ARHGAP20: variants seen among roughly 807,000 people sequenced by gnomAD.
ARHGAP20 encodes the protein Rho GTPase activating protein 20.
A neutral mutation model predicts 73.7 loss-of-function variants in ARHGAP20; 34 were observed. That is an observed-to-expected ratio of 0.46 (90% CI 0.35 to 0.61). The LOEUF is 0.61. Ranked by LOEUF, ARHGAP20 falls within the 20% of genes least tolerant of loss-of-function variation. ARHGAP20 has a pLI of 0.00. For missense variants in ARHGAP20, 1,314 were observed against 1,420.9 expected (o/e 0.92, Z 1.21); for synonymous variants, 523 against 518.2 (o/e 1.01, Z -0.13).
intron 4 of ARHGAP20, among the ~76,000 whole-genome samples, chr11:110,616,724 T>C (rs1206825807): frequency 6.6e-6 from 1 of 151,354 alleles, no homozygotes. Context: ...ACATTTTCCA[T>C]CTTTCACAAT....
At chr11:110,627,022 A>T (rs547520754) in intron 3 of ARHGAP20, among the ~76,000 whole-genome samples, 1 of 152,296 alleles carries the variant, frequency 6.6e-6, no homozygotes, top group South Asian at 2.1e-4. Context: ...TATCTCCAAT[A>T]GTATTATGAC....
In ARHGAP20 at chr11:110,580,421, T is replaced by G; in HGVS notation, c.2525A>C (p.His842Pro). Reference protein sequence around the residue: ...TADALKGPRTHRRCSEPNIED... With the variant: ...TADALKGPRTPRRCSEPNIED... ...TATGTTGGGCTCTGAGCAGCGCCGA[T>G]GTGTCCTTGGACCCTTGAGGGCATC... The change falls in exon 15 of 15, where the codon CAT (histidine) becomes CCT (proline). Residue 842 changes from histidine (H) to proline (P), a missense_variant. Around this residue, in one of 3 missense-constraint regions of ARHGAP20, gnomAD observed 641 missense variants for 636.9 expected, o/e 1.01. Transcript: ENST00000683387. 6.2e-7 allele frequency: 1 copy of G among 1,614,180 alleles called. No homozygotes were observed. Among genetic ancestry groups the G allele is most frequent in the Non-Finnish European group, 8.5e-7 (1 of 1,180,028 alleles).
At chr11:110,703,621 T>C in intron 1 of ARHGAP20, among the ~76,000 whole-genome samples, 1 of 152,144 alleles carries the variant, frequency 6.6e-6, no homozygotes, top group East Asian at 1.9e-4. Flanking sequence ...AAGTGCTGTA[T>C]ATAAATAAAT....
At chr11:110,583,086 C>A (rs1031212814) in intron 13 of ARHGAP20, among the ~76,000 whole-genome samples, 6 of 152,186 alleles carry the variant, frequency 3.9e-5, no homozygotes, top group African/African-American at 1.4e-4. Flanking sequence ...GAACTGATAT[C>A]CCCACACCCC....
chr11:110,705,108 A>C (rs1950529843), intron 1 of ARHGAP20, among the ~76,000 whole-genome samples: 1 of 152,158 alleles, frequency 6.6e-6, no homozygotes, highest in East Asian at 1.9e-4. Context: ...CAAGTTTTAC[A>C]ATTACATATT....
chr11:110,583,657 G>A lies in ARHGAP20; in HGVS notation c.1496C>T (p.Ser499Phe). The A allele has an allele frequency of 1.2e-6, 2 of 1,612,994 alleles. No individual in the cohort carries two copies. The highest frequency in any genetic ancestry group is 2.2e-5 in the East Asian group (1 of 44,840). ...FGVLHNIEQH[S>F]SSNQMTAFNL... is the part of the protein sequence containing the mutation. ...AAATGCAGTCATCTGATTGGATGAG[G>A]AATGTTGCTCAATGTTGTGTAACAC... The change falls in exon 13 of 15, where the codon TCC becomes TTC. Residue 499 changes from serine to phenylalanine, a missense_variant. By Grantham distance (155) the Ser-to-Phe change is radical (BLOSUM62 -2). Coordinates refer to ENST00000683387, the MANE Select transcript of ARHGAP20 (RefSeq NM_001384657.1).
In ARHGAP20 at chr11:110,611,351, C is replaced by T. The variant is rs370223372; in HGVS notation, c.666G>A (p.Ala222=). The T allele has an allele frequency of 1.1e-4, 177 of 1,566,052 alleles. No individual in the cohort carries two copies. Among genetic ancestry groups the T allele is most frequent in the Admixed American group, 2.7e-4 (15 of 55,278 alleles). ...KTITVMNSDT[A]NEVINMSLPM... ...GTAATGACATGTTGATAACTTCATT[C>T]GCTGTATCTGAATTCATTACTGTTA... is the stretch of plus-strand genomic sequence containing the variant. The change falls in exon 7 of 15, where the codon GCG becomes GCA. Residue 222 remains alanine (A), a synonymous_variant. Coordinates refer to ENST00000683387, the MANE Select transcript of ARHGAP20 (RefSeq NM_001384657.1).
At chr11:110,587,763 CTT>C (rs144274780) in intron 11 of ARHGAP20, among the ~76,000 whole-genome samples, 1 of 149,344 alleles carries the variant, frequency 6.7e-6, no homozygotes, top group Non-Finnish European at 1.5e-5. Flanking sequence ...TATTACTATC[CTT>C]TTTTTTTTAG....
intron 12 of ARHGAP20, among the ~76,000 whole-genome samples, 182 bp downstream of exon 12, chr11:110,586,034 A>G (rs1323892957): frequency 6.6e-6 from 1 of 152,200 alleles, no homozygotes; most frequent in East Asian, 1.9e-4. Flanking sequence ...AAGGTGTACA[A>G]TCTTCAAGTA....
At chr11:110,711,287 G>C (rs891179978) in intron 1 of ARHGAP20, among the ~76,000 whole-genome samples, 6 of 152,020 alleles carry the variant, frequency 3.9e-5, no homozygotes, top group African/African-American at 1.4e-4. Flanking sequence ...CAGGGAACAC[G>C]CGCTGCCCCC....
intron 2 of ARHGAP20, among the ~76,000 whole-genome samples, chr11:110,659,810 A>G (rs917823294): frequency 6.6e-6 from 1 of 151,952 alleles, no homozygotes; most frequent in African/African-American, 2.4e-5. Flanking sequence ...AAGAACAAAA[A>G]ACCAAACACC....
chr11:110,711,786 G>C, intron 1 of ARHGAP20: 2 of 1,351,800 alleles, frequency 1.5e-6, no homozygotes, highest in Non-Finnish European at 1.9e-6. Context: ...CGAGGGGTCG[G>C]GGAAAGGCGA....
chr11:110,622,620 C>G (rs541874481), intron 4 of ARHGAP20, among the ~76,000 whole-genome samples: 8 of 152,236 alleles, frequency 5.3e-5, no homozygotes, highest in African/African-American at 1.9e-4. Flanking sequence ...TCTTTAGTAA[C>G]TGATCTATGA....
rs772728211 is a variant in ARHGAP20 at position 110,615,611 on chromosome 11, T to C, written c.504-17A>G. 17 of 1,609,564 alleles carry C rather than the reference T, an allele frequency of 1.1e-5. 1 individual carries two copies. In the South Asian group the frequency reaches 1.6e-4, roughly 15 times the overall value. ...TCTGGAGAACTGCAATCAAAGAAAATGGGAGAGAAAAATTAAACCACATAA... is the reference window on the plus strand; with the variant it reads ...TCTGGAGAACTGCAATCAAAGAAAACGGGAGAGAAAAATTAAACCACATAA... On this transcript the variant is annotated splice_polypyrimidine_tract_variant and intron_variant, in intron 4 of 14. Coordinates refer to ENST00000683387, the MANE Select transcript of ARHGAP20 (RefSeq NM_001384657.1).
intron 2 of ARHGAP20, among the ~76,000 whole-genome samples, chr11:110,653,761 A>G (rs753371792): frequency 1.3e-5 from 2 of 152,220 alleles, no homozygotes; most frequent in African/African-American, 4.8e-5. Flanking sequence ...TATTATAAAG[A>G]TACATGCACA....
intron 2 of ARHGAP20, among the ~76,000 whole-genome samples, chr11:110,657,451 T>G (rs1949490644): frequency 6.9e-6 from 1 of 145,802 alleles, no homozygotes; most frequent in African/African-American, 2.6e-5. Flanking sequence ...GTGTGGGGAG[T>G]GGGAGAAGCT....
chr11:110,621,714 C>A (rs895409799), intron 4 of ARHGAP20, among the ~76,000 whole-genome samples: 12 of 151,998 alleles, frequency 7.9e-5, no homozygotes, highest in African/African-American at 2.9e-4. Flanking sequence ...TTTTAAAGTT[C>A]TTTTCTGGTA....
intron 2 of ARHGAP20, among the ~76,000 whole-genome samples, chr11:110,632,341 T>C (rs928925276): frequency 6.6e-6 from 1 of 152,162 alleles, no homozygotes; most frequent in Non-Finnish European, 1.5e-5. Flanking sequence ...CTTGCTAACA[T>C]TTGGTGTTAT....
At chr11:110,591,581 C>A (rs192033112) in intron 10 of ARHGAP20, among the ~76,000 whole-genome samples, 2 of 152,162 alleles carry the variant, frequency 1.3e-5, no homozygotes, top group Non-Finnish European at 2.9e-5. Context: ...TATCTTTATG[C>A]GTGAGCACTT....
Sources: gnomAD v4.1 joint callset for allele counts (sites outside exome capture counted in the v4.1 genomes callset) on GRCh38, gnomAD v4.1.1 for gene constraint, gnomAD v4.1.1 regional missense constraint, MANE v1.5 for transcripts, NCBI Gene and HGNC (gene_info 2026-07-23, HGNC 2026-07-21) for gene names.